Variants in ACSBG2 observed in about 807,000 individuals in gnomAD.
ACSBG2 encodes long-chain-fatty-acid--CoA ligase ACSBG2.
Under a neutral mutation model 74.7 loss-of-function variants are expected in ACSBG2, and 62 were observed. That is an observed-to-expected ratio of 0.83 (90% CI 0.68 to 1.03). ACSBG2 has a LOEUF of 1.03. ACSBG2 is among the 50% of genes least tolerant of loss of function. The pLI, the probability that ACSBG2 is intolerant of heterozygous loss-of-function variation, is 0.00. For synonymous variants in ACSBG2, 309 were observed against 294.1 expected (o/e 1.05, Z -0.52); for missense variants, 730 against 817.6 (o/e 0.89, Z 1.31).
rs751147407 is a variant in ACSBG2 at position 6,190,413 on chromosome 19, G to C, written c.1928-171G>C. 5.1e-6 allele frequency: 3 copies of C among 583,438 alleles called. No homozygotes were observed. In the African/African-American group the frequency reaches 5.6e-5, roughly 11 times the overall value. The allele number at this position is 583,438 out of a possible 1,614,324, so 36.1% of individuals were successfully genotyped here. On this transcript the variant is annotated intron_variant, in intron 13 of 14. Transcript: ENST00000588485. ...CTCACCACAGCTGAAGGATCACATG[G>C]AAGTTTTATCATCCCCATACAGATG...
intron 8 of ACSBG2, among the ~76,000 whole-genome samples, chr19:6,179,910 G>C (rs1203519877): frequency 6.6e-6 from 1 of 152,112 alleles, no homozygotes; most frequent in Non-Finnish European, 1.5e-5. Flanking sequence ...AGCGCGCCTG[G>C]TCCATTTATT....
At chr19:6,173,744 A>G (rs2090023199) in intron 7 of ACSBG2, among the ~76,000 whole-genome samples, 1 of 152,112 alleles carries the variant, frequency 6.6e-6, no homozygotes, top group Non-Finnish European at 1.5e-5. Flanking sequence ...GTTGTCAGCC[A>G]TCACGTATCA....
chr19:6,142,067 T>C (rs983882444), intron 2 of ACSBG2, among the ~76,000 whole-genome samples: 3 of 152,114 alleles, frequency 2.0e-5, no homozygotes, highest in Non-Finnish European at 4.4e-5. Flanking sequence ...GTTGTTGAGG[T>C]AGCAGGGCAA....
rs2090040258 is a variant in ACSBG2 at position 6,174,363 on chromosome 19, G to C, written c.739-2866G>C. Among the ~76,000 whole-genome samples, 1 of 152,132 alleles carries C rather than the reference G, an allele frequency of 6.6e-6. No homozygotes were observed. Among genetic ancestry groups the C allele is most frequent in the African/African-American group, 2.4e-5 (1 of 41,422 alleles). On this transcript the variant is annotated intron_variant, in intron 7 of 14. Transcript: ENST00000588485. The surrounding 1 kb of genome is among the most constrained non-coding windows in gnomAD (Gnocchi z 4.2). The stretch of plus-strand genomic sequence containing the variant: ...TTCTGTCAGTCAAAACAAATCACTG[G>C]ACCAATTCTGTCTCAAAGGAAAGAG...
intron 5 of ACSBG2, among the ~76,000 whole-genome samples, chr19:6,159,363 G>A (rs2089532023): frequency 6.6e-6 from 1 of 152,114 alleles, no homozygotes; most frequent in South Asian, 2.1e-4. Context: ...GGGTGGGTGG[G>A]GTCCTTCTTC....
At chr19:6,177,105 G>A (rs1203840179) in intron 7 of ACSBG2, 124 bp from the exon 8 acceptor site, 46 of 1,033,050 alleles carry the variant, frequency 4.5e-5, no homozygotes, top group Non-Finnish European at 1.1e-5. Context: ...AGGCTGCAGT[G>A]AGCTGTGATC....
At chr19:6,166,187 A>G (rs2089794672) in intron 7 of ACSBG2, among the ~76,000 whole-genome samples, 172 bp downstream of exon 7, 1 of 151,944 alleles carries the variant, frequency 6.6e-6, no homozygotes, top group Non-Finnish European at 1.5e-5. Context: ...GCAGTGATTG[A>G]GATCAAGGAA....
At chr19:6,140,528 T>G (rs546951259) in intron 1 of ACSBG2, among the ~76,000 whole-genome samples, 34 of 151,982 alleles carry the variant, frequency 2.2e-4, no homozygotes, top group Admixed American at 3.9e-4. Context: ...AAAAGAATAT[T>G]TTTAAAAATT....
At chr19:6,186,155 G>C (rs761638560) in intron 11 of ACSBG2, among the ~76,000 whole-genome samples, 1 of 151,308 alleles carries the variant, frequency 6.6e-6, no homozygotes. Flanking sequence ...GATAATAATC[G>C]ACAGAGTTGT....
At chr19:6,179,611 ATATT>A (rs1232525862) in intron 8 of ACSBG2, among the ~76,000 whole-genome samples, 1 of 152,078 alleles carries the variant, frequency 6.6e-6, no homozygotes, top group Non-Finnish European at 1.5e-5. Context: ...ACTTAAAACA[ATATT>A]TATTTATTTA....
chr19:6,157,919 G>T (rs2089477209), intron 5 of ACSBG2, among the ~76,000 whole-genome samples: 1 of 151,552 alleles, frequency 6.6e-6, no homozygotes, highest in African/African-American at 2.4e-5. Context: ...ATCCCTTCCT[G>T]TTTCATTTTT....
intron 1 of ACSBG2, among the ~76,000 whole-genome samples, chr19:6,137,709 G>A (rs982106064): frequency 8.6e-5 from 13 of 151,996 alleles, no homozygotes; most frequent in African/African-American, 3.1e-4. Flanking sequence ...GGTGCAGGGC[G>A]AGATCTCTGC....
chr19:6,156,057 A>G (rs1176924753), intron 4 of ACSBG2, among the ~76,000 whole-genome samples: 1 of 152,086 alleles, frequency 6.6e-6, no homozygotes, highest in African/African-American at 2.4e-5. Context: ...AAGAGGATGC[A>G]CCCTGCAAGC....
intron 12 of ACSBG2, 49 bp downstream of exon 12, chr19:6,187,471 G>T: frequency 1.9e-6 from 3 of 1,608,602 alleles, no homozygotes; most frequent in Non-Finnish European, 2.5e-6. Context: ...GCCGGTCTTG[G>T]GTTCCCTGGC....
At chr19:6,135,948 C>CT (rs200389684) in intron 1 of ACSBG2, 39 bp downstream of exon 1, 1,703 of 148,940 alleles carry the variant, frequency 0.011, 13 homozygotes, top group East Asian at 0.045. Context: ...GTTTTCTTTT[C>CT]TTTTTTTTTT....
chr19:6,146,093 T>C (rs1259287867), intron 2 of ACSBG2, among the ~76,000 whole-genome samples: 3 of 152,216 alleles, frequency 2.0e-5, no homozygotes, highest in Non-Finnish European at 4.4e-5. Flanking sequence ...ATATTAAATA[T>C]GTGACTCTTG....
intron 11 of ACSBG2, among the ~76,000 whole-genome samples, chr19:6,186,380 T>C (rs2090409434): frequency 6.6e-6 from 1 of 152,258 alleles, no homozygotes. Flanking sequence ...AAAAAATTCT[T>C]CTTTTGACTT....
Position 6,187,639 on chromosome 19 carries a change from T to C in ACSBG2, c.1721T>C (p.Leu574Pro). 1 of 1,614,014 alleles carries C rather than the reference T, an allele frequency of 6.2e-7. No individual in the cohort carries two copies. The highest frequency in any genetic ancestry group is 8.5e-7 in the Non-Finnish European group (1 of 1,180,020). ...NQMSGEPLDK[L>P]NFEAINFCRG... ...ATGAGCGGAGAACCTCTGGACAAGC[T>C]GAACTTCGAGGCCATCAACTTCTGT... is the stretch of plus-strand genomic sequence containing the variant. The change falls in exon 13 of 15, where the codon CTG (leucine) becomes CCG (proline). Residue 574 changes from leucine (L) to proline (P), a missense_variant. Physicochemically the swap from Leu to Pro is moderately conservative, Grantham distance 98 (BLOSUM62 -3). Coordinates refer to ENST00000588485, the MANE Select transcript of ACSBG2 (RefSeq NM_030924.5).
At chr19:6,166,218 G>T (rs534237535) in intron 7 of ACSBG2, among the ~76,000 whole-genome samples, 11 of 151,362 alleles carry the variant, frequency 7.3e-5, no homozygotes, top group African/African-American at 2.2e-4. Flanking sequence ...GTCAAAAGCA[G>T]AAAAATGTCT....
Sources: allele counts gnomAD v4.1 joint callset (sites outside exome capture counted in the v4.1 genomes callset), GRCh38; gene constraint gnomAD v4.1.1; non-coding constraint Gnocchi (gnomAD v3.1); transcripts MANE v1.5; gene names NCBI Gene and HGNC (gene_info 2026-07-23, HGNC 2026-07-21).